Variants in SERINC2 observed in about 807,000 individuals in gnomAD.
The protein encoded by SERINC2 is tumor differentially expressed protein 2.
A neutral mutation model predicts 54.2 loss-of-function variants in SERINC2; 56 were observed. The observed-to-expected ratio is 1.03, with a 90% confidence interval of 0.83 to 1.29. SERINC2 has a LOEUF of 1.29. Among genes scored for constraint, SERINC2 ranks in the 50% most tolerant of loss-of-function variants. The pLI, the probability that SERINC2 is intolerant of heterozygous loss-of-function variation, is 0.00. For synonymous variants in SERINC2, 272 were observed against 253.1 expected (o/e 1.07, Z -0.71); for missense variants, 614 against 607.4 (o/e 1.01, Z -0.12).
intron 9 of SERINC2, 140 bp downstream of exon 9, chr1:31,433,325 G>C: frequency 1.5e-6 from 1 of 683,130 alleles, no homozygotes. Flanking sequence ...ACCCTCCATA[G>C]AGCCTGCCCC....
At chr1:31,418,568 G>T (rs1640835247) in intron 1 of SERINC2, among the ~76,000 whole-genome samples, 1 of 152,100 alleles carries the variant, frequency 6.6e-6, no homozygotes, top group East Asian at 1.9e-4. Context: ...TAGAGACGGG[G>T]TTTCACCATG....
chr1:31,423,501 T>A (rs1640950142), intron 1 of SERINC2, among the ~76,000 whole-genome samples, 192 bp from the exon 2 acceptor site: 1 of 152,226 alleles, frequency 6.6e-6, no homozygotes. Context: ...ATCTGGGTTC[T>A]GTGGTTACTG....
Position 31,429,488 on chromosome 1 carries a change from C to T in SERINC2, c.963C>T (p.Ala321=), listed in dbSNP as rs368421097. ...GCTATGAGACCCAGTGGTGGGATGC[C>T]CCGAGCATTGTGGGCCTCATCATCT... ...PEGYETQWWD[A]PSIVGLIIFL... The change falls in exon 8 of 10, where the codon GCC becomes GCT. Residue 321 remains alanine, a synonymous_variant. Transcript: ENST00000373709. The T allele has an allele frequency of 1.7e-5, 28 of 1,613,622 alleles. No individual in the cohort carries two copies. The highest frequency in any genetic ancestry group is 1.6e-4 in the Middle Eastern group (1 of 6,080).
chr1:31,413,721 G>A lies in SERINC2; in HGVS notation c.39+417G>A. 1 of 1,316,312 alleles carries A rather than the reference G, an allele frequency of 7.6e-7. No homozygotes were observed. Among genetic ancestry groups the A allele is most frequent in the South Asian group, 2.0e-5 (1 of 50,774 alleles). 81.5% of individuals were successfully genotyped at this position (1,316,312 alleles called of 1,614,324 possible). A position where few individuals can be genotyped will look rare whatever the true frequency, so the allele number is the denominator to read the frequency against. Reference sequence around the variant, plus strand: ...CCTGGTTCTCTGTGTAGGTCGCCCGGGCCCCGTCCCTCCTGGCGAGTGCCC... The same window carrying A: ...CCTGGTTCTCTGTGTAGGTCGCCCGAGCCCCGTCCCTCCTGGCGAGTGCCC... On this transcript the variant is annotated intron_variant, in intron 1 of 9. Transcript: ENST00000373709. The surrounding 1 kb of genome is among the most constrained non-coding windows in gnomAD (Gnocchi z 5.0).
chr1:31,416,939 C>T (rs1427724676), intron 1 of SERINC2, among the ~76,000 whole-genome samples: 6 of 152,114 alleles, frequency 3.9e-5, no homozygotes, highest in Non-Finnish European at 7.3e-5. Flanking sequence ...AGGCTGGTCT[C>T]GAACTCCTGA....
intron 6 of SERINC2, among the ~76,000 whole-genome samples, chr1:31,427,827 T>TC (rs1641085808): frequency 2.5e-4 from 1 of 3,978 alleles, no homozygotes; most frequent in South Asian, 0.05. Context: ...TTTCTTTCTT[T>TC]TTTTTTTTTT....
chr1:31,430,177 T>C (rs1438164255), intron 8 of SERINC2, among the ~76,000 whole-genome samples: 1 of 152,046 alleles, frequency 6.6e-6, no homozygotes, highest in Non-Finnish European at 1.5e-5. Flanking sequence ...ACCTTCCTCA[T>C]TGGATTGTTG....
At chr1:31,413,143 C>T (rs534843237), upstream of SERINC2, 3 of 1,003,470 alleles carry the variant, frequency 3.0e-6, no homozygotes, top group East Asian at 2.8e-4. This position sits in a 1 kb window ranked among gnomAD's most constrained non-coding sequence, Gnocchi z 5.0. Context: ...CGTCGAGCGG[C>T]TTCGGTAGGT....
chr1:31,421,867 G>A (rs1291790489), intron 1 of SERINC2, among the ~76,000 whole-genome samples: 3 of 152,184 alleles, frequency 2.0e-5, no homozygotes, highest in African/African-American at 7.2e-5. Flanking sequence ...CTTTGGCCAC[G>A]AGGGCCTTCT....
rs1469700897 is a variant in SERINC2 at position 31,413,687 on chromosome 1, C to A, written c.39+383C>A. The A allele has an allele frequency of 1.8e-6, 2 of 1,095,708 alleles. No homozygotes were observed. Among genetic ancestry groups the A allele is most frequent in the African/African-American group, 3.3e-5 (2 of 60,728 alleles). 67.9% of individuals were successfully genotyped at this position (1,095,708 alleles called of 1,614,324 possible). On this transcript the variant is annotated intron_variant, in intron 1 of 9. Transcript: ENST00000373709. This position sits in a 1 kb window ranked among gnomAD's most constrained non-coding sequence, Gnocchi z 5.0. ...TCCTCGGGGTGGCCTCTGTCCCCGT[C>A]CCGGACGCCCTGGTTCTCTGTGTAG... is the stretch of plus-strand genomic sequence containing the variant.
Position 31,421,671 on chromosome 1 carries a change from C to T in SERINC2, c.40-2022C>T, listed in dbSNP as rs1640904602. 2.6e-5 allele frequency among the ~76,000 whole-genome samples: 4 copies of T among 152,322 alleles called. No homozygotes were observed. In the South Asian group the frequency reaches 8.3e-4, roughly 32 times the overall value. ...AGAGGTCTCTGAGGAGCAAGGGGCC[C>T]CTGCCAGCCTGCTCTTTTCAAAGCT... is the stretch of plus-strand genomic sequence containing the variant. On this transcript the variant is annotated intron_variant, in intron 1 of 9. Transcript: ENST00000373709.
chr1:31,422,422 C>T (rs559699575), intron 1 of SERINC2, among the ~76,000 whole-genome samples: 1 of 152,268 alleles, frequency 6.6e-6, no homozygotes, highest in Non-Finnish European at 1.5e-5. Flanking sequence ...GCCTTGGCCT[C>T]CCAAAATGCT....
chr1:31,417,545 G>A (rs1328382572), intron 1 of SERINC2, among the ~76,000 whole-genome samples: 1 of 152,072 alleles, frequency 6.6e-6, no homozygotes, highest in East Asian at 1.9e-4. Context: ...TGAGGTAAAA[G>A]ATGCATAACA....
intron 8 of SERINC2, among the ~76,000 whole-genome samples, chr1:31,431,911 G>A (rs1274717480): frequency 8.8e-5 from 13 of 147,372 alleles, no homozygotes; most frequent in Non-Finnish European, 1.5e-4. Context: ...GGATAGGGTG[G>A]ATAGGGTGGT....
In SERINC2 at chr1:31,424,820, G is replaced by C; in HGVS notation, c.339G>C (p.Leu113=). The C allele has an allele frequency of 6.2e-7, 1 of 1,611,814 alleles. No homozygotes were observed. Among genetic ancestry groups the C allele is most frequent in the Non-Finnish European group, 8.5e-7 (1 of 1,179,576 alleles). Residue 113 remains leucine, a synonymous_variant, in exon 3 of 10, where the codon CTG becomes CTC. Transcript: ENST00000373709. ...CGGCCTTCTTCTTCTTTTTCACCCT[G>C]CTCATGCTCTGCGTGAGCAGCAGCC... ...ATAAFFFFFT[L]LMLCVSSSRD... is the part of the protein sequence containing the mutation.
At chr1:31,433,515 G>C (rs1255436868) in intron 9 of SERINC2, among the ~76,000 whole-genome samples, 1 of 152,110 alleles carries the variant, frequency 6.6e-6, no homozygotes, top group Admixed American at 6.5e-5. Flanking sequence ...TAGGATCAGG[G>C]TGTGGAGTGC....
chr1:31,428,542 C>A (rs1434960390), intron 6 of SERINC2, among the ~76,000 whole-genome samples: 1 of 152,054 alleles, frequency 6.6e-6, no homozygotes, highest in Non-Finnish European at 1.5e-5. Context: ...CCCAGGGCTC[C>A]GCAGGAGTCC....
chr1:31,412,692 G>A (rs544602428), upstream of SERINC2, among the ~76,000 whole-genome samples: 7 of 152,314 alleles, frequency 4.6e-5, no homozygotes, highest in South Asian at 1.4e-3. Context: ...AGAAAACAGT[G>A]ACGATGGGGG....
chr1:31,417,117 G>A (rs1429984284), intron 1 of SERINC2, among the ~76,000 whole-genome samples: 1 of 152,202 alleles, frequency 6.6e-6, no homozygotes, highest in Admixed American at 6.5e-5. Flanking sequence ...GTCAGAAGGA[G>A]TAGTGCCAAC....
Sources: allele counts gnomAD v4.1 joint callset (sites outside exome capture counted in the v4.1 genomes callset), GRCh38; gene constraint gnomAD v4.1.1; non-coding constraint Gnocchi (gnomAD v3.1); transcripts MANE v1.5; gene names NCBI Gene and HGNC (gene_info 2026-07-23, HGNC 2026-07-21).